RBM4: variants seen among roughly 807,000 people sequenced by gnomAD.
RBM4 encodes RNA-binding protein 4.
A neutral mutation model predicts 29.5 loss-of-function variants in RBM4; 7 were observed. The ratio of observed to expected loss-of-function variants is 0.24; its 90% confidence interval spans 0.14 to 0.45. The LOEUF (loss-of-function observed/expected upper bound fraction) is 0.45, where lower values mean the gene tolerates loss of function less well. Among genes scored for constraint, RBM4 ranks in the 20% least tolerant of loss-of-function variants. The pLI, the probability that RBM4 is intolerant of heterozygous loss-of-function variation, is 1.00. For missense variants in RBM4, 387 were observed against 502.3 expected (o/e 0.77, Z 2.19); for synonymous variants, 220 against 205.4 (o/e 1.07, Z -0.61).
Position 66,639,803 on chromosome 11 carries a change from G to A in RBM4, c.92G>A (p.Cys31Tyr). 1 of 1,614,178 alleles carries A rather than the reference G, an allele frequency of 6.2e-7. No homozygotes were observed. The highest frequency in any genetic ancestry group is 8.5e-7 in the Non-Finnish European group (1 of 1,180,036). Residue 31 changes from cysteine to tyrosine, a missense_variant, in exon 2 of 4, where the codon TGT (cysteine) becomes TAT (tyrosine). By Grantham distance (194) the Cys-to-Tyr change is radical. This residue lies in a region of RBM4 where 106 missense variants were observed against 213.6 expected (regional missense o/e 0.50). Coordinates refer to ENST00000310092, the MANE Select transcript of RBM4 (RefSeq NM_002896.4). ...LFEQYGKVLE[C>Y]DIIKNYGFVH... ...GAGCAGTATGGGAAGGTGCTGGAAT[G>A]TGACATCATTAAGAATTACGGCTTT...
intron 2 of RBM4, among the ~76,000 whole-genome samples, chr11:66,654,506 T>A (rs544253329): frequency 1.2e-4 from 18 of 151,026 alleles, no homozygotes; most frequent in South Asian, 8.4e-4. Context: ...AAAAAAAAAA[T>A]TTTTTTTATT....
At chr11:66,658,698 A>T (rs1297391793) in intron 2 of RBM4, among the ~76,000 whole-genome samples, 2 of 152,028 alleles carry the variant, frequency 1.3e-5, no homozygotes, top group Admixed American at 1.3e-4. Context: ...GCACTTTGGG[A>T]GGCCAAGGTG....
At chr11:66,646,536 AG>A, downstream of RBM4, 1 of 987,396 alleles carries the variant, frequency 1.0e-6, no homozygotes, top group Non-Finnish European at 1.2e-6. Context: ...CTTGAAGGGG[AG>A]GGTATAAAGT....
chr11:66,663,741 CTTTT>C (rs1939134486), intron 2 of RBM4, among the ~76,000 whole-genome samples: 1 of 146,654 alleles, frequency 6.8e-6, no homozygotes, highest in Non-Finnish European at 1.5e-5. Context: ...TATATGTTTT[CTTTT>C]TGTTTTGTAA....
At chr11:66,659,364 G>A (rs1939030112) in intron 2 of RBM4, among the ~76,000 whole-genome samples, 2 of 135,194 alleles carry the variant, frequency 1.5e-5, no homozygotes, top group South Asian at 2.5e-4. Flanking sequence ...TCCGCCCCCC[G>A]GATTCAAGTG....
At chr11:66,639,003 C>T (rs1359234146) in intron 1 of RBM4, 5 of 152,118 alleles carry the variant, frequency 3.3e-5, no homozygotes, top group Non-Finnish European at 5.9e-5. Flanking sequence ...GAGATTTCCA[C>T]TGGGATAACC....
chr11:66,645,967 T>G, intron 3 of RBM4, 60 bp from the exon 4 acceptor site: 2 of 1,535,776 alleles, frequency 1.3e-6, no homozygotes, highest in Middle Eastern at 1.7e-4. Flanking sequence ...TGTTGAAGTT[T>G]TAAATGGGAA....
At chr11:66,648,554 C>A (rs141601371), downstream of RBM4, among the ~76,000 whole-genome samples, 1 of 151,946 alleles carries the variant, frequency 6.6e-6, no homozygotes, top group Non-Finnish European at 1.5e-5. Context: ...GTGGCTCACA[C>A]CTGTAATCCC....
chr11:66,658,566 A>C (rs1016991813), intron 2 of RBM4, among the ~76,000 whole-genome samples: 2 of 151,924 alleles, frequency 1.3e-5, no homozygotes, highest in African/African-American at 4.8e-5. Context: ...TTTGTATACC[A>C]TATGGAGTTG....
At chr11:66,665,580 T>C (rs1939194384) in intron 2 of RBM4, 4 of 1,535,862 alleles carry the variant, frequency 2.6e-6, no homozygotes, top group East Asian at 4.9e-5. Context: ...TTATCCTACC[T>C]GAAAGAGAGC....
At position 66,644,080 on chromosome 11, in the gene RBM4, C is replaced by G. The variant is rs750143614; in HGVS notation, c.1043C>G (p.Ala348Gly). The G allele has an allele frequency of 1.2e-6, 2 of 1,613,970 alleles. No individual in the cohort carries two copies. The highest frequency in any genetic ancestry group is 1.7e-5 in the Admixed American group (1 of 60,004). The stretch of plus-strand genomic sequence containing the variant: ...GCGCGGAATTCTCTGTACGACATGG[C>G]CCGGTATGAGCGGGAGCAGTATGCC... ...AAARNSLYDMARYEREQYADR... is the reference protein window; with the variant it reads ...AAARNSLYDMGRYEREQYADR... The change falls in exon 3 of 4, where the codon GCC becomes GGC. Residue 348 changes from alanine (A) to glycine (G), a missense_variant. Coordinates refer to ENST00000310092, the MANE Select transcript of RBM4 (RefSeq NM_002896.4).
At chr11:66,639,027 A>T (rs959898348) in intron 1 of RBM4, 1 of 151,100 alleles carries the variant, frequency 6.6e-6, no homozygotes, top group Admixed American at 6.6e-5. Flanking sequence ...TTTCCCTTAT[A>T]TCTGACAGTT....
intron 2 of RBM4, among the ~76,000 whole-genome samples, chr11:66,664,076 C>T (rs553266304): frequency 6.6e-6 from 1 of 151,986 alleles, no homozygotes; most frequent in African/African-American, 2.4e-5. Flanking sequence ...GGCATGATCA[C>T]AGCTCACTGC....
chr11:66,659,279 T>C (rs1939028447), intron 2 of RBM4, among the ~76,000 whole-genome samples: 1 of 140,664 alleles, frequency 7.1e-6, no homozygotes, highest in Non-Finnish European at 1.5e-5. Context: ...TTTTTTTTTT[T>C]TTTTTTTTTG....
chr11:66,648,106 T>C (rs554226193), downstream of RBM4, among the ~76,000 whole-genome samples: 2 of 152,064 alleles, frequency 1.3e-5, no homozygotes, highest in Non-Finnish European at 2.9e-5. Flanking sequence ...CTCAGGAGGC[T>C]GAGGCAGGAG....
rs966265350 is a variant in RBM4 at position 66,646,105 on chromosome 11, C to T, written c.*87C>T. 15 of 1,535,136 alleles carry T rather than the reference C, an allele frequency of 9.8e-6. No individual in the cohort carries two copies. In the Admixed American group the frequency reaches 9.8e-5, roughly 10 times the overall value. ...CCTTCGTGGTACCCCATCTCCGGGA[C>T]GTTCTCGGCTCTGTGCGTTCAGTCC... On this transcript the variant is annotated 3_prime_UTR_variant, in exon 4 of 4. Coordinates refer to ENST00000310092, the MANE Select transcript of RBM4 (RefSeq NM_002896.4).
In RBM4 at chr11:66,655,576, G is replaced by A. The variant is rs546973490; in HGVS notation, c.413-10280G>A. 1.4e-4 allele frequency among the ~76,000 whole-genome samples: 21 copies of A among 152,308 alleles called. No homozygotes were observed. The East Asian group carries it at 1.9e-3, about 14-fold the overall frequency. ...ATTATAGGAATGAGCCATTGCACCC[G>A]GCCTGGGCCTCTTTTAAAAAAGTGA... On this transcript the variant is annotated intron_variant, in intron 2 of 2. Transcript: ENST00000396053.
chr11:66,656,064 G>A (rs913863827), intron 2 of RBM4, among the ~76,000 whole-genome samples: 1 of 152,036 alleles, frequency 6.6e-6, no homozygotes, highest in African/African-American at 2.4e-5. Flanking sequence ...TCCGCCTCGC[G>A]GGTTCGAGTG....
At chr11:66,657,789 G>A (rs1253563257) in intron 2 of RBM4, among the ~76,000 whole-genome samples, 3 of 150,642 alleles carry the variant, frequency 2.0e-5, no homozygotes, top group Non-Finnish European at 2.9e-5. Flanking sequence ...CCAGGCTGGA[G>A]TGCCGTGTTC....
Sources: allele counts gnomAD v4.1 joint callset (sites outside exome capture counted in the v4.1 genomes callset), GRCh38; gene constraint gnomAD v4.1.1; regional missense constraint gnomAD v4.1.1; transcripts MANE v1.5; gene names NCBI Gene and HGNC (gene_info 2026-07-23, HGNC 2026-07-21).